MUC5AC: variants seen among roughly 807,000 people sequenced by gnomAD.
MUC5AC encodes mucin 5AC, oligomeric mucus/gel-forming.
A neutral mutation model predicts 169.7 loss-of-function variants in MUC5AC; 158 were observed. The observed-to-expected ratio is 0.93, with a 90% CI of 0.82 to 1.06. The LOEUF is 1.06. Ranked by LOEUF, MUC5AC falls within the 50% of genes least tolerant of loss-of-function variation. MUC5AC has a pLI of 0.00. For missense variants in MUC5AC, 4,359 were observed against 3,089.9 expected, an observed-to-expected ratio of 1.41 and a Z score of -9.74; for synonymous variants, 1,975 against 1,237.0, an observed-to-expected ratio of 1.60 and a Z score of -12.52.
At chr11:1,161,218 T>A (rs1860131337) in intron 2 of MUC5AC, among the ~76,000 whole-genome samples, 1 of 152,162 alleles carries the variant, frequency 6.6e-6, no homozygotes, top group Admixed American at 6.5e-5. Flanking sequence ...CCTGAGAGAT[T>A]GTCTTGAGCC....
chr11:1,182,807 G>C lies in MUC5AC; in HGVS notation c.4662G>C (p.Ser1554=). ...PVPATSTSSM[S]TTAPGTSVVS... ...CGGCAACATCAACATCATCCATGTC[G>C]ACCACGGCCCCGGGGACCTCTGTGG... Residue 1554 remains serine, a synonymous_variant, in exon 31 of 49, where the codon TCG becomes TCC. Coordinates refer to ENST00000621226, the MANE Select transcript of MUC5AC (RefSeq NM_001304359.2). 1 of 397,830 alleles carries C rather than the reference G, an allele frequency of 2.5e-6. No homozygotes were observed. The highest frequency in any genetic ancestry group is 4.4e-6 in the Non-Finnish European group (1 of 225,820). 24.6% of individuals were successfully genotyped at this position (397,830 alleles called of 1,614,324 possible). A position where few individuals can be genotyped will look rare whatever the true frequency, so the allele number is the denominator to read the frequency against.
In MUC5AC at chr11:1,168,888, C is replaced by G. The variant is rs745578571; in HGVS notation, c.1732C>G (p.Gln578Glu). The G allele has an allele frequency of 1.9e-6, 3 of 1,605,178 alleles. No homozygotes were observed. Among genetic ancestry groups the G allele is most frequent in the Non-Finnish European group, 8.5e-7 (1 of 1,175,424 alleles). ...TCTCTGTGGGAACTTCAACAGCATC[C>G]AGGCCGATGACTTCCGGACCCTCAG... Reference protein sequence around the residue: ...CGLCGNFNSIQADDFRTLSGV... With the variant: ...CGLCGNFNSIEADDFRTLSGV... Residue 578 changes from glutamine (Q) to glutamate (E), a missense_variant, in exon 15 of 49, where the codon CAG becomes GAG. Physicochemically the swap from Gln to Glu is conservative, Grantham distance 29. Coordinates refer to ENST00000621226, the MANE Select transcript of MUC5AC (RefSeq NM_001304359.2).
In MUC5AC at chr11:1,189,199, T is replaced by A. The variant is rs1328208408; in HGVS notation, c.11054T>A (p.Ile3685Lys). The change falls in exon 31 of 49, where the codon ATA becomes AAA. Residue 3685 changes from isoleucine to lysine, a missense_variant. Ile to Lys is a moderately radical substitution (Grantham distance 102). Coordinates refer to ENST00000621226, the MANE Select transcript of MUC5AC (RefSeq NM_001304359.2). Reference protein sequence around the residue: ...APTTSTTPASIPSTTSAPTTS... With the variant: ...APTTSTTPASKPSTTSAPTTS... ...ACAACTAGCACAACCCCTGCTTCTA[T>A]ACCCAGCACAACCTCTGCCCCAACA... is the stretch of plus-strand genomic sequence containing the variant. 4.4e-5 allele frequency: 25 copies of A among 567,744 alleles called. No homozygotes were observed. The highest frequency in any genetic ancestry group is 9.1e-5 in the Admixed American group (3 of 32,796). The allele number at this position is 567,744 out of a possible 1,614,324, so 35.2% of individuals were successfully genotyped here. A position where few individuals can be genotyped will look rare whatever the true frequency, so the allele number is the denominator to read the frequency against.
At chr11:1,181,827 G>A (rs1383703633) in intron 30 of MUC5AC, among the ~76,000 whole-genome samples, 7 of 152,194 alleles carry the variant, frequency 4.6e-5, no homozygotes, top group Admixed American at 2.0e-4. Context: ...CCATGTCCTC[G>A]CCCTCTTCTG....
rs1445309601 is a variant in MUC5AC at position 1,190,009 on chromosome 11, C to T, written c.11864C>T (p.Pro3955Leu). 5.4e-5 allele frequency: 41 copies of T among 765,148 alleles called. 1 individual carries two copies. The highest frequency in any genetic ancestry group is 4.7e-4 in the African/African-American group (28 of 59,274). The allele number at this position is 765,148 out of a possible 1,614,324, so 47.4% of individuals were successfully genotyped here. The change falls in exon 31 of 49, where the codon CCC becomes CTC. Residue 3955 changes from proline to leucine, a missense_variant. Physicochemically the swap from Pro to Leu is moderately conservative, Grantham distance 98. Coordinates refer to ENST00000621226, the MANE Select transcript of MUC5AC (RefSeq NM_001304359.2). The part of the protein sequence containing the change: ...HSQPVTRDCH[P>L]RCTWTKWFDV... ...CAACCAGTCACCAGAGACTGTCATC[C>T]CCGGTGCACCTGGACCAAGTGGTTT...
At chr11:1,195,766 G>T (rs1439000202) in intron 36 of MUC5AC, 110 bp from the exon 37 acceptor site, 8 of 630,810 alleles carry the variant, frequency 1.3e-5, no homozygotes, top group Admixed American at 2.2e-5. Flanking sequence ...ACCAGTGGCT[G>T]CTCTGGGACT....
chr11:1,160,561 G>A, intron 1 of MUC5AC, 51 bp from the exon 2 acceptor site: 1 of 1,518,058 alleles, frequency 6.6e-7, no homozygotes, highest in East Asian at 2.4e-5. Flanking sequence ...CGCAGCCTGA[G>A]CCCCCTCAGC....
chr11:1,159,202 C>T (rs1860050460), intron 1 of MUC5AC, among the ~76,000 whole-genome samples: 1 of 152,100 alleles, frequency 6.6e-6, no homozygotes, highest in African/African-American at 2.4e-5. Flanking sequence ...GGTGTGAGGG[C>T]GAGGGGGGTC....
chr11:1,167,814 C>A, intron 11 of MUC5AC, 63 bp from the exon 12 acceptor site: 3 of 1,389,656 alleles, frequency 2.2e-6, no homozygotes, highest in South Asian at 1.2e-5. Context: ...GGTGGACTGG[C>A]AGGGCCAGGT....
chr11:1,182,090 G>A lies in MUC5AC; in HGVS notation c.4010-65G>A, dbSNP rs1183321182. 4.1e-5 allele frequency: 10 copies of A among 246,372 alleles called. No homozygotes were observed. In the African/African-American group the frequency reaches 1.4e-3, roughly 34 times the overall value. 15.3% of individuals were successfully genotyped at this position (246,372 alleles called of 1,614,324 possible). A position where few individuals can be genotyped will look rare whatever the true frequency, so the allele number is the denominator to read the frequency against. Reference sequence around the variant, plus strand: ...GCTCCAGACCGGTGACAGAGCCGCAGGGAGGGGCGGGCGGCCCCCAAGTGC... The same window carrying A: ...GCTCCAGACCGGTGACAGAGCCGCAAGGAGGGGCGGGCGGCCCCCAAGTGC... On this transcript the variant is annotated intron_variant, in intron 30 of 48. Coordinates refer to ENST00000621226, the MANE Select transcript of MUC5AC (RefSeq NM_001304359.2).
intron 16 of MUC5AC, among the ~76,000 whole-genome samples, chr11:1,172,766 T>C (rs890204733): frequency 2.7e-5 from 4 of 147,146 alleles, no homozygotes; most frequent in Admixed American, 6.7e-5. Context: ...ACCTACTCAC[T>C]CACCCGTTCA....
At chr11:1,162,759 C>T (rs1282327333) in intron 5 of MUC5AC, 113 bp downstream of exon 5, 15 of 1,080,924 alleles carry the variant, frequency 1.4e-5, no homozygotes, top group African/African-American at 1.1e-4. Context: ...CAGGGTCAGA[C>T]TCCACCCCAC....
Position 1,179,202 on chromosome 11 carries a change from C to T in MUC5AC, c.3438C>T (p.Cys1146=). 1 of 676,662 alleles carries T rather than the reference C, an allele frequency of 1.5e-6. No individual in the cohort carries two copies. The highest frequency in any genetic ancestry group is 1.6e-5 in the South Asian group (1 of 63,992). 41.9% of individuals were successfully genotyped at this position (676,662 alleles called of 1,614,324 possible). Residue 1146 remains cysteine, a synonymous_variant, in exon 26 of 49, where the codon TGC becomes TGT. Coordinates refer to ENST00000621226, the MANE Select transcript of MUC5AC (RefSeq NM_001304359.2). ...CTGTGGCCGCCTACGCCCAGGCCTG[C>T]CATGAAGTAGGCCTGTGTGTGTCCT... ...CTAVAAYAQA[C]HEVGLCVSWR...
In MUC5AC at chr11:1,192,764, A is replaced by G; in HGVS notation, c.14381-19A>G. On this transcript the variant is annotated intron_variant, in intron 31 of 48. Coordinates refer to ENST00000621226, the MANE Select transcript of MUC5AC (RefSeq NM_001304359.2). Reference sequence around the variant, plus strand: ...GAGCAGGACTCCACTAAAGGCTGCCATGTCCCTTCCTCTTACAGGATCCAC... The same window carrying G: ...GAGCAGGACTCCACTAAAGGCTGCCGTGTCCCTTCCTCTTACAGGATCCAC... 1 of 747,378 alleles carries G rather than the reference A, an allele frequency of 1.3e-6. No individual in the cohort carries two copies. The highest frequency in any genetic ancestry group is 2.5e-6 in the Non-Finnish European group (1 of 404,986). The allele number at this position is 747,378 out of a possible 1,614,324, so 46.3% of individuals were successfully genotyped here.
chr11:1,199,767 G>A lies in MUC5AC; in HGVS notation c.16585+3G>A, dbSNP rs561296230. 4.2e-6 allele frequency: 3 copies of A among 717,176 alleles called. No individual in the cohort carries two copies. In the South Asian group the frequency reaches 4.3e-5, roughly 10 times the overall value. 44.4% of individuals were successfully genotyped at this position (717,176 alleles called of 1,614,324 possible). On this transcript the variant is annotated splice_donor_region_variant and intron_variant, in intron 47 of 48. Transcript: ENST00000621226. ...GCCCCCGCCCCCGTACCAGAACCGT[G>A]AGTACCCAGCCTGCTGGGCGGGGCG...
chr11:1,173,208 A>T (rs1324656430), intron 16 of MUC5AC, among the ~76,000 whole-genome samples: 1 of 150,862 alleles, frequency 6.6e-6, no homozygotes, highest in Non-Finnish European at 1.5e-5. Flanking sequence ...TCACTCATTT[A>T]CTCACTCATT....
Position 1,168,770 on chromosome 11 carries a change from C to A in MUC5AC, c.1696C>A (p.Gln566Lys), listed in dbSNP as rs1262658694. 1 of 1,601,844 alleles carries A rather than the reference C, an allele frequency of 6.2e-7. No individual in the cohort carries two copies. Among genetic ancestry groups the A allele is most frequent in the Non-Finnish European group, 8.5e-7 (1 of 1,171,818 alleles). The change falls in exon 14 of 49, where the codon CAG (glutamine) becomes AAG (lysine). Residue 566 changes from glutamine (Q) to lysine (K), a missense_variant. Physicochemically the swap from Gln to Lys is moderately conservative, Grantham distance 53. Transcript: ENST00000621226. The part of the protein sequence containing the change: ...FMQLAPKLRG[Q>K]TCGLCGNFNS... ...GCAGCTGGCGCCCAAGCTCCGTGGG[C>A]AGACCTGCGGTAAGAGGGCTGCCTT... is the stretch of plus-strand genomic sequence containing the variant.
At chr11:1,198,362 C>T in intron 43 of MUC5AC, 57 bp downstream of exon 43, 2 of 712,746 alleles carry the variant, frequency 2.8e-6, no homozygotes, top group South Asian at 2.9e-5. Flanking sequence ...TCCCACTGAC[C>T]CTGAGGCCCA....
chr11:1,158,499 G>C (rs1860029612), intron 1 of MUC5AC, among the ~76,000 whole-genome samples: 1 of 152,218 alleles, frequency 6.6e-6, no homozygotes, highest in South Asian at 2.1e-4. Flanking sequence ...CACGTTCCCT[G>C]TCTGGGCCTC....
Sources: gnomAD v4.1 joint callset for allele counts (sites outside exome capture counted in the v4.1 genomes callset) on GRCh38, gnomAD v4.1.1 for gene constraint, MANE v1.5 for transcripts, NCBI Gene and HGNC (gene_info 2026-07-23, HGNC 2026-07-21) for gene names.